Variants in ATXN7L1 observed in about 807,000 individuals in gnomAD.
ATXN7L1 encodes ataxin-7-like protein 1.
In ATXN7L1, 15 loss-of-function variants were observed where a neutral mutation model predicts 70.8. That is an observed-to-expected ratio of 0.21 (90% CI 0.14 to 0.33). ATXN7L1 has a LOEUF of 0.33. Ranked by LOEUF, ATXN7L1 falls within the 10% of genes least tolerant of loss-of-function variation. The probability of loss-of-function intolerance (pLI) is 1.00; values close to 1 mark genes in which losing one functional copy is unlikely to be tolerated. For missense variants in ATXN7L1, 975 were observed against 1,097.1 expected (o/e 0.89, Z 1.57); for synonymous variants, 440 against 445.1 (o/e 0.99, Z 0.14).
intron 7 of ATXN7L1, among the ~76,000 whole-genome samples, chr7:105,625,629 T>C (rs1335699371): frequency 6.6e-6 from 1 of 152,206 alleles, no homozygotes; most frequent in African/African-American, 2.4e-5. Flanking sequence ...AGATATTTTT[T>C]TCAATGAACC....
chr7:105,664,575 G>GTGTGTATGTGTA, intron 4 of ATXN7L1, among the ~76,000 whole-genome samples: 3 of 131,986 alleles, frequency 2.3e-5, no homozygotes, highest in African/African-American at 8.5e-5. Context: ...GTATGTGTGT[G>GTGTGTATGTGTA]TATATATATA....
chr7:105,782,642 G>T (rs961827011), intron 3 of ATXN7L1, among the ~76,000 whole-genome samples: 1 of 152,238 alleles, frequency 6.6e-6, no homozygotes, highest in East Asian at 1.9e-4. Flanking sequence ...CCTGTAGGAC[G>T]CTATGGCACA....
At chr7:105,821,596 A>T (rs1242874650) in intron 2 of ATXN7L1, among the ~76,000 whole-genome samples, 1 of 152,234 alleles carries the variant, frequency 6.6e-6, no homozygotes. Context: ...AACTCATTTG[A>T]TAGGTGGAAG....
At chr7:105,663,039 G>A (rs1019210694) in intron 4 of ATXN7L1, among the ~76,000 whole-genome samples, 1 of 152,172 alleles carries the variant, frequency 6.6e-6, no homozygotes, top group African/African-American at 2.4e-5. Context: ...AGGTCACCCA[G>A]CTGAAATTTG....
intron 3 of ATXN7L1, among the ~76,000 whole-genome samples, chr7:105,762,699 C>T (rs1168353891): frequency 6.6e-6 from 1 of 152,220 alleles, no homozygotes; most frequent in East Asian, 1.9e-4. Flanking sequence ...TGAGGTGACA[C>T]TCTTCCTTTC....
intron 2 of ATXN7L1, among the ~76,000 whole-genome samples, chr7:105,867,452 C>T (rs1817649802): frequency 6.6e-6 from 1 of 152,226 alleles, no homozygotes; most frequent in African/African-American, 2.4e-5. Flanking sequence ...GTCTCCTCCA[C>T]CCACAGTGAA....
intron 3 of ATXN7L1, among the ~76,000 whole-genome samples, chr7:105,733,969 C>CATCT (rs1797106162): frequency 6.8e-6 from 1 of 147,176 alleles, no homozygotes; most frequent in African/African-American, 2.5e-5. Flanking sequence ...TCCATCCATC[C>CATCT]ATCCATCCAT....
At chr7:105,705,723 T>C (rs894091278) in intron 3 of ATXN7L1, among the ~76,000 whole-genome samples, 2 of 152,206 alleles carry the variant, frequency 1.3e-5, no homozygotes, top group South Asian at 4.1e-4. Flanking sequence ...GGTCCACTCG[T>C]TTGTTCTTCA....
At chr7:105,756,501 T>A (rs1363121531) in intron 3 of ATXN7L1, among the ~76,000 whole-genome samples, 1 of 152,228 alleles carries the variant, frequency 6.6e-6, no homozygotes, top group Non-Finnish European at 1.5e-5. Context: ...GGATTTGGCA[T>A]CATGTTGTAC....
At chr7:105,809,734 G>A (rs1808144490) in intron 2 of ATXN7L1, among the ~76,000 whole-genome samples, 1 of 151,446 alleles carries the variant, frequency 6.6e-6, no homozygotes, top group African/African-American at 2.4e-5. Context: ...GTGAAGTGAG[G>A]TGCCTATGCT....
intron 3 of ATXN7L1, among the ~76,000 whole-genome samples, chr7:105,671,231 C>G (rs1803613243): frequency 6.6e-6 from 1 of 150,388 alleles, no homozygotes; most frequent in Non-Finnish European, 1.5e-5. Context: ...TGCAGTGAGC[C>G]TGGATTACAC....
chr7:105,687,956 G>A (rs846937), intron 3 of ATXN7L1, among the ~76,000 whole-genome samples: 29,482 of 152,058 alleles, frequency 0.19, 2,968 homozygotes, highest in East Asian at 0.31. Flanking sequence ...ATTGTTCTTC[G>A]GTGCTCTCAT....
At chr7:105,810,243 G>C (rs1236497688) in intron 2 of ATXN7L1, among the ~76,000 whole-genome samples, 4 of 152,228 alleles carry the variant, frequency 2.6e-5, no homozygotes, top group Admixed American at 1.3e-4. Context: ...GTATAGTTCA[G>C]AGTGGTCTTT....
chr7:105,872,669 G>C (rs955787460), intron 2 of ATXN7L1, among the ~76,000 whole-genome samples: 2 of 152,090 alleles, frequency 1.3e-5, no homozygotes, highest in African/African-American at 4.8e-5. Flanking sequence ...AGAGGAATGG[G>C]GAATGGGGAG....
intron 3 of ATXN7L1, among the ~76,000 whole-genome samples, chr7:105,703,819 C>T (rs886606406): frequency 6.6e-6 from 1 of 152,176 alleles, no homozygotes; most frequent in Non-Finnish European, 1.5e-5. Flanking sequence ...CTAGGGCGAA[C>T]CTTTCGTGTC....
At chr7:105,846,281 G>A (rs1418419718) in intron 2 of ATXN7L1, among the ~76,000 whole-genome samples, 5 of 152,158 alleles carry the variant, frequency 3.3e-5, no homozygotes, top group Non-Finnish European at 2.9e-5. Context: ...TGAAGCCACC[G>A]TCGGCAACAC....
intron 2 of ATXN7L1, among the ~76,000 whole-genome samples, chr7:105,832,117 C>T (rs1206944806): frequency 6.6e-6 from 1 of 152,054 alleles, no homozygotes; most frequent in African/African-American, 2.4e-5. Context: ...GAAATAAGCC[C>T]TCACTTTTCA....
At chr7:105,779,868 T>C (rs1803277965) in intron 3 of ATXN7L1, among the ~76,000 whole-genome samples, 1 of 152,248 alleles carries the variant, frequency 6.6e-6, no homozygotes, top group African/African-American at 2.4e-5. Flanking sequence ...ATTTCCTTTA[T>C]TTTATACTTC....
At chr7:105,865,217 C>A (rs1458327794) in intron 2 of ATXN7L1, among the ~76,000 whole-genome samples, 1 of 152,120 alleles carries the variant, frequency 6.6e-6, no homozygotes, top group African/African-American at 2.4e-5. Flanking sequence ...TTTATTTCCA[C>A]AACAATTCTG....
Sources: gnomAD v4.1 joint callset for allele counts (sites outside exome capture counted in the v4.1 genomes callset) on GRCh38, gnomAD v4.1.1 for gene constraint, MANE v1.5 for transcripts, NCBI Gene and HGNC (gene_info 2026-07-23, HGNC 2026-07-21) for gene names.